The following RGS12 variants were observed in gnomAD, a reference collection of about 807,000 sequenced individuals.
The protein encoded by RGS12 is regulator of G protein signaling 12.
In RGS12, 66 loss-of-function variants were observed where a neutral mutation model predicts 120.1. The ratio of observed to expected loss-of-function variants is 0.55; its 90% CI spans 0.45 to 0.67. The LOEUF (loss-of-function observed/expected upper bound fraction) is 0.67, where lower values mean the gene tolerates loss of function less well. RGS12 is among the 30% of genes least tolerant of loss of function. The pLI is 0.00. For synonymous variants in RGS12, 827 were observed against 804.7 expected (o/e 1.03, Z -0.47); for missense variants, 1,859 against 1,957.7 (o/e 0.95, Z 0.95).
intron 1 of RGS12, among the ~76,000 whole-genome samples, chr4:3,309,762 G>A (rs1724239187): frequency 6.9e-6 from 1 of 145,412 alleles, no homozygotes; most frequent in Admixed American, 6.8e-5. Context: ...GAGAGGAGCT[G>A]GGACTCGGGA....
intron 16 of RGS12, among the ~76,000 whole-genome samples, chr4:3,429,865 C>G (rs1431745709): frequency 6.6e-6 from 1 of 152,200 alleles, no homozygotes; most frequent in Non-Finnish European, 1.5e-5. Context: ...GGCAGTGACC[C>G]CGAGAGGCAG....
intron 3 of RGS12, among the ~76,000 whole-genome samples, chr4:3,355,394 T>G (rs1250742249): frequency 1.3e-5 from 2 of 152,184 alleles, no homozygotes; most frequent in Non-Finnish European, 2.9e-5. Flanking sequence ...CTGGTTAGTG[T>G]ACTAAGAAAG....
intron 4 of RGS12, among the ~76,000 whole-genome samples, chr4:3,403,778 A>T (rs1488335672): frequency 6.6e-6 from 1 of 152,198 alleles, no homozygotes; most frequent in Non-Finnish European, 1.5e-5. Context: ...CCTCACAGGG[A>T]TTCCCGTAAG....
At chr4:3,439,216 G>C (rs576973033) in intron 17 of RGS12, among the ~76,000 whole-genome samples, 102 of 152,172 alleles carry the variant, frequency 6.7e-4, no homozygotes, top group African/African-American at 2.2e-3. Context: ...GAGTGGGTCG[G>C]CTCCCCCACT....
At chr4:3,307,498 A>G (rs937157851) in intron 1 of RGS12, among the ~76,000 whole-genome samples, 26 of 152,262 alleles carry the variant, frequency 1.7e-4, no homozygotes, top group African/African-American at 6.3e-4. Flanking sequence ...TTTTTAGTAC[A>G]AAAAAGTTCT....
chr4:3,343,723 G>T (rs139345567), intron 3 of RGS12, among the ~76,000 whole-genome samples: 21 of 151,912 alleles, frequency 1.4e-4, no homozygotes, highest in African/African-American at 5.1e-4. Flanking sequence ...GAAAGCCGCC[G>T]CCCTGGAAAT....
chr4:3,369,171 G>T (rs1409918037), intron 3 of RGS12, among the ~76,000 whole-genome samples: 1 of 152,184 alleles, frequency 6.6e-6, no homozygotes, highest in Non-Finnish European at 1.5e-5. Context: ...GTGTGGCTGG[G>T]CGCCTGCCCC....
chr4:3,428,693 A>G lies in RGS12; in HGVS notation c.3547A>G (p.Asn1183Asp). Residue 1183 changes from asparagine (N) to aspartate (D), a missense_variant, in exon 16 of 18, where the codon AAT (asparagine) becomes GAT (aspartate). Around this residue, in one of 3 missense-constraint regions of RGS12, gnomAD observed 517 missense variants for 488.5 expected, o/e 1.06. Transcript: ENST00000336727. The stretch of plus-strand genomic sequence containing the variant: ...TGGGAAAAAAAAATATCAGAAAATT[A>G]ATTTGGACGAAGCAGAGGGTATGTG... ...KIGKKKYQKI[N>D]LDEAEEFFEL... 1 of 1,594,166 alleles carries G rather than the reference A, an allele frequency of 6.3e-7. No homozygotes were observed. The highest frequency in any genetic ancestry group is 8.5e-7 in the Non-Finnish European group (1 of 1,175,004).
chr4:3,335,249 A>T (rs1047353982), intron 2 of RGS12, among the ~76,000 whole-genome samples: 10 of 152,242 alleles, frequency 6.6e-5, no homozygotes, highest in African/African-American at 2.4e-4. Flanking sequence ...GCTATGACCC[A>T]GAAACCTTTC....
intron 9 of RGS12, chr4:3,417,939 T>C (rs1233939423): frequency 5.8e-6 from 1 of 173,680 alleles, no homozygotes; most frequent in Non-Finnish European, 1.2e-5. Flanking sequence ...TGCTATTGGG[T>C]GTCTCCCCCA....
At chr4:3,415,706 A>G (rs187332644) in intron 6 of RGS12, among the ~76,000 whole-genome samples, 89 of 152,348 alleles carry the variant, frequency 5.8e-4, no homozygotes, top group African/African-American at 2.1e-3. Flanking sequence ...GTGTGTGGCG[A>G]CACACGGCAG....
intron 4 of RGS12, among the ~76,000 whole-genome samples, chr4:3,411,768 G>C (rs1009792334): frequency 6.6e-6 from 1 of 152,246 alleles, no homozygotes; most frequent in Non-Finnish European, 1.5e-5. Flanking sequence ...CTTGCCACAT[G>C]GGGGGGAGTC....
chr4:3,430,646 G>T lies in RGS12; in HGVS notation c.3805G>T (p.Asp1269Tyr), dbSNP rs757182071. The T allele has an allele frequency of 6.3e-7, 1 of 1,599,682 alleles. No individual in the cohort carries two copies. The highest frequency in any genetic ancestry group is 8.5e-7 in the Non-Finnish European group (1 of 1,172,452). The stretch of plus-strand genomic sequence containing the variant: ...GTGGGAGCCAGTCCAGGAGAGCAGC[G>T]ACAGCCCGTCCACCAGCCCGGGCTC... Reference protein sequence around the residue: ...EQWEPVQESSDSPSTSPGSAS... With the variant: ...EQWEPVQESSYSPSTSPGSAS... Residue 1269 changes from aspartate (D) to tyrosine (Y), a missense_variant, in exon 17 of 18, where the codon GAC becomes TAC. Physicochemically the swap from Asp to Tyr is radical, Grantham distance 160. Coordinates refer to ENST00000336727, the MANE Select transcript of RGS12 (RefSeq NM_001394154.1).
In RGS12 at chr4:3,390,272, A is replaced by G. The variant is rs111918982; in HGVS notation, c.2020+3835A>G. 0.03 allele frequency among the ~76,000 whole-genome samples: 4,587 copies of G among 152,158 alleles called. 96 individuals carry two copies. Among genetic ancestry groups the G allele is most frequent in the Non-Finnish European group, 0.048 (3,256 of 67,984 alleles). On this transcript the variant is annotated intron_variant, in intron 4 of 17. Coordinates refer to ENST00000336727, the MANE Select transcript of RGS12 (RefSeq NM_001394154.1). The surrounding 1 kb of genome is among the most constrained non-coding windows in gnomAD (Gnocchi z 4.6). ...CCTGCCCGTGCTAGGGGCAGCTTCCATCATTTTAATTATTCATCTGTGTTG... is the reference window on the plus strand; with the variant it reads ...CCTGCCCGTGCTAGGGGCAGCTTCCGTCATTTTAATTATTCATCTGTGTTG...
At chr4:3,404,176 C>T (rs2109048376) in intron 4 of RGS12, among the ~76,000 whole-genome samples, 1 of 152,294 alleles carries the variant, frequency 6.6e-6, no homozygotes, top group African/African-American at 2.4e-5. Flanking sequence ...TACACTTGCC[C>T]CAAGCCTTGC....
chr4:3,342,596 C>T lies in RGS12; in HGVS notation c.1882-341C>T, dbSNP rs796297188. 22 of 1,317,052 alleles carry T rather than the reference C, an allele frequency of 1.7e-5. No individual in the cohort carries two copies. The African/African-American group carries it at 3.0e-4, about 18-fold the overall frequency. 81.6% of individuals were successfully genotyped at this position (1,317,052 alleles called of 1,614,324 possible). A position where few individuals can be genotyped will look rare whatever the true frequency, so the allele number is the denominator to read the frequency against. On this transcript the variant is annotated intron_variant, in intron 2 of 17. Coordinates refer to ENST00000336727, the MANE Select transcript of RGS12 (RefSeq NM_001394154.1). ...CTCTCAGTGTACTGTGTCCACTTTC[C>T]AAGCACCCTTGCACGTGATTTCATT...
chr4:3,384,608 G>A (rs1449637681), intron 3 of RGS12, among the ~76,000 whole-genome samples: 1 of 152,216 alleles, frequency 6.6e-6, no homozygotes, highest in East Asian at 1.9e-4. Context: ...GAGGGCCAAG[G>A]GCCACATGGT....
In RGS12 at chr4:3,317,624, C is replaced by A. The variant is rs1162563597; in HGVS notation, c.1454C>A (p.Pro485Gln). The A allele has an allele frequency of 6.3e-7, 1 of 1,587,198 alleles. No individual in the cohort carries two copies. Among genetic ancestry groups the A allele is most frequent in the Non-Finnish European group, 8.6e-7 (1 of 1,165,086 alleles). ...PFCPDPEGSP[P>Q]FEAAHQTDRF... ...TGTCCGGACCCCGAAGGGAGCCCCC[C>A]ATTTGAGGCCGCTCATCAGACTGAC... is the stretch of plus-strand genomic sequence containing the variant. Residue 485 changes from proline to glutamine, a missense_variant, in exon 2 of 18, where the codon CCA (proline) becomes CAA (glutamine). Physicochemically the swap from Pro to Gln is moderately conservative, Grantham distance 76. Coordinates refer to ENST00000336727, the MANE Select transcript of RGS12 (RefSeq NM_001394154.1).
chr4:3,408,535 G>A (rs188166447), intron 4 of RGS12, among the ~76,000 whole-genome samples: 217 of 152,290 alleles, frequency 1.4e-3, no homozygotes, highest in African/African-American at 4.7e-3. Context: ...CAAGAATTCC[G>A]GGTGGACGTT....
Sources: allele counts gnomAD v4.1 joint callset (sites outside exome capture counted in the v4.1 genomes callset), GRCh38; gene constraint gnomAD v4.1.1; regional missense constraint gnomAD v4.1.1; non-coding constraint Gnocchi (gnomAD v3.1); transcripts MANE v1.5; gene names NCBI Gene and HGNC (gene_info 2026-07-23, HGNC 2026-07-21).